The following PPP3CA variants were observed in gnomAD, a reference collection of about 807,000 sequenced individuals.
The protein encoded by PPP3CA is protein phosphatase 3 catalytic subunit alpha, also known as CAM-PRP catalytic subunit.
PPP3CA carries 14 observed loss-of-function variants against 66.5 expected under a neutral mutation model. That is an observed-to-expected ratio of 0.21 (90% CI 0.14 to 0.33). The LOEUF is 0.33. Ranked by LOEUF, PPP3CA falls within the 10% of genes least tolerant of loss-of-function variation. The pLI, the probability that PPP3CA is intolerant of heterozygous loss-of-function variation, is 1.00. For missense variants in PPP3CA, 317 were observed against 639.5 expected (o/e 0.50, Z 5.44); for synonymous variants, 232 against 226.2 (o/e 1.03, Z -0.23).
At chr4:101,239,498 CT>C (rs1219973775) in intron 1 of PPP3CA, among the ~76,000 whole-genome samples, 1 of 151,904 alleles carries the variant, frequency 6.6e-6, no homozygotes, top group Non-Finnish European at 1.5e-5. Flanking sequence ...AGGACAAGAC[CT>C]AAGGACAATT....
intron 1 of PPP3CA, among the ~76,000 whole-genome samples, chr4:101,240,030 GT>G (rs66937517): frequency 0.57 from 75,540 of 132,774 alleles, 23,562 homozygotes; most frequent in Non-Finnish European, 0.72. Flanking sequence ...AATTTTTTTG[GT>G]TTTTTTTTGG....
intron 2 of PPP3CA, among the ~76,000 whole-genome samples, chr4:101,155,242 A>T (rs1197738511): frequency 6.6e-6 from 1 of 152,208 alleles, no homozygotes; most frequent in Non-Finnish European, 1.5e-5. Flanking sequence ...TCCAGTAGCT[A>T]GCACAGTGCT....
chr4:101,047,851 A>G (rs1313164658), intron 10 of PPP3CA, among the ~76,000 whole-genome samples: 2 of 152,096 alleles, frequency 1.3e-5, no homozygotes, highest in Non-Finnish European at 2.9e-5. Context: ...TTTGGAATAA[A>G]TAATATAATT....
At chr4:101,128,931 A>T (rs573392905) in intron 2 of PPP3CA, among the ~76,000 whole-genome samples, 1 of 152,248 alleles carries the variant, frequency 6.6e-6, no homozygotes, top group South Asian at 2.1e-4. Context: ...GGCTGAAACC[A>T]GGGAGCCAAG....
chr4:101,092,998 T>C (rs973309080), intron 6 of PPP3CA, among the ~76,000 whole-genome samples: 11 of 152,176 alleles, frequency 7.2e-5, no homozygotes, highest in African/African-American at 2.4e-4. Context: ...GGTCAAATGG[T>C]ATTTCTGGTT....
intron 1 of PPP3CA, among the ~76,000 whole-genome samples, chr4:101,336,504 C>T (rs756721130): frequency 5.4e-5 from 8 of 149,190 alleles, no homozygotes; most frequent in East Asian, 2.0e-4. Context: ...CTTCAGGAGC[C>T]GGAGGTTGCA....
At chr4:101,342,827 G>A (rs1332746247) in intron 1 of PPP3CA, among the ~76,000 whole-genome samples, 3 of 152,222 alleles carry the variant, frequency 2.0e-5, no homozygotes, top group East Asian at 1.9e-4. Flanking sequence ...CAGTTACTAC[G>A]AATGTGACAT....
chr4:101,186,728 C>T (rs534497442), intron 2 of PPP3CA, among the ~76,000 whole-genome samples: 1 of 152,232 alleles, frequency 6.6e-6, no homozygotes, highest in East Asian at 1.9e-4. Flanking sequence ...TATCTGCACA[C>T]TCTGTCACAG....
chr4:101,159,523 T>C (rs1723434096), intron 2 of PPP3CA, among the ~76,000 whole-genome samples: 1 of 152,172 alleles, frequency 6.6e-6, no homozygotes, highest in Non-Finnish European at 1.5e-5. Context: ...TGACAGATTT[T>C]TTACCAGAAG....
At chr4:101,346,617 C>T (rs1730007306) in intron 1 of PPP3CA, 122 bp downstream of exon 1, 5 of 858,596 alleles carry the variant, frequency 5.8e-6, no homozygotes. Flanking sequence ...CCTAGAAGGT[C>T]CGCGGCTGGA....
intron 1 of PPP3CA, among the ~76,000 whole-genome samples, chr4:101,312,417 C>A (rs913761142): frequency 6.6e-6 from 1 of 151,776 alleles, no homozygotes; most frequent in African/African-American, 2.4e-5. Context: ...ACTTATTAAA[C>A]ATTATTTTTT....
At chr4:101,111,471 A>C (rs1721667360) in intron 2 of PPP3CA, among the ~76,000 whole-genome samples, 1 of 152,170 alleles carries the variant, frequency 6.6e-6, no homozygotes, top group Non-Finnish European at 1.5e-5. Flanking sequence ...CAGGAAGCCA[A>C]GTGAGGGGCT....
chr4:101,265,810 T>A (rs1226923781), intron 1 of PPP3CA, among the ~76,000 whole-genome samples: 1 of 152,026 alleles, frequency 6.6e-6, no homozygotes, highest in African/African-American at 2.4e-5. Context: ...TCTAAGAAAC[T>A]CCACTGGTCA....
At chr4:101,319,239 C>A (rs1728968887) in intron 1 of PPP3CA, among the ~76,000 whole-genome samples, 1 of 150,420 alleles carries the variant, frequency 6.6e-6, no homozygotes, top group Non-Finnish European at 1.5e-5. Context: ...AATGTATACC[C>A]AAAAAAGAAT....
intron 1 of PPP3CA, among the ~76,000 whole-genome samples, chr4:101,327,494 G>GA (rs1055963539): frequency 9.0e-4 from 122 of 135,534 alleles, no homozygotes; most frequent in Non-Finnish European, 9.8e-4. Context: ...ATTTGTGGGA[G>GA]AAAAAAAAAA....
intron 1 of PPP3CA, among the ~76,000 whole-genome samples, chr4:101,261,568 A>G (rs776786347): frequency 1.3e-5 from 2 of 152,074 alleles, no homozygotes; most frequent in Non-Finnish European, 2.9e-5. Context: ...AACTCTTTTC[A>G]GCAAATCAGT....
chr4:101,303,199 A>G (rs755674652), intron 1 of PPP3CA, among the ~76,000 whole-genome samples: 10 of 152,196 alleles, frequency 6.6e-5, no homozygotes, highest in Non-Finnish European at 1.5e-4. Context: ...TCATTTCAAA[A>G]TAGCATGTTT....
rs538389049 is a variant in PPP3CA at position 101,288,884 on chromosome 4, T to C, written c.58+57855A>G. Among the ~76,000 whole-genome samples the C allele has an allele frequency of 2.0e-5, 3 of 152,112 alleles. No individual in the cohort carries two copies. The East Asian group carries it at 5.8e-4, about 29-fold the overall frequency. On this transcript the variant is annotated intron_variant, in intron 1 of 13. Transcript: ENST00000394854. Reference sequence around the variant, plus strand: ...CACATATACACAGGCACACACAAAATGAAGTGCCTTGAGTCTCTTCATCCT... The same window carrying C: ...CACATATACACAGGCACACACAAAACGAAGTGCCTTGAGTCTCTTCATCCT...
chr4:101,072,228 A>G (rs1728947109), intron 8 of PPP3CA, among the ~76,000 whole-genome samples: 1 of 152,278 alleles, frequency 6.6e-6, no homozygotes, highest in Non-Finnish European at 1.5e-5. Flanking sequence ...GTAATTTTAA[A>G]GTGATAACAA....
Sources: allele counts gnomAD v4.1 joint callset (sites outside exome capture counted in the v4.1 genomes callset), GRCh38; gene constraint gnomAD v4.1.1; transcripts MANE v1.5; gene names NCBI Gene and HGNC (gene_info 2026-07-23, HGNC 2026-07-21).